The following STAU2 variants were observed in gnomAD, a reference collection of about 807,000 sequenced individuals.
STAU2 encodes the protein staufen double-stranded RNA binding protein 2, also known as double-stranded RNA-binding protein Staufen homolog 2.
Under a neutral mutation model 65.9 loss-of-function variants are expected in STAU2, and 20 were observed. The observed-to-expected ratio is 0.30, with a 90% CI of 0.21 to 0.44. STAU2 has a LOEUF of 0.44. Ranked by LOEUF, STAU2 falls within the 20% of genes least tolerant of loss-of-function variation. The pLI is 1.00. For missense variants in STAU2, 558 were observed against 683.9 expected, an observed-to-expected ratio of 0.82 and a Z score of 2.05; for synonymous variants, 232 against 233.9, an observed-to-expected ratio of 0.99 and a Z score of 0.07.
intron 3 of STAU2, among the ~76,000 whole-genome samples, chr8:73,736,307 T>C (rs1321302787): frequency 6.6e-6 from 1 of 152,212 alleles, no homozygotes; most frequent in Non-Finnish European, 1.5e-5. Flanking sequence ...CATATATTCA[T>C]ACACCCAACA....
chr8:73,729,979 A>G (rs1805930325), intron 3 of STAU2, among the ~76,000 whole-genome samples: 1 of 152,118 alleles, frequency 6.6e-6, no homozygotes, highest in African/African-American at 2.4e-5. Context: ...CAAAGAATCA[A>G]ACTTTTGGTT....
intron 13 of STAU2, among the ~76,000 whole-genome samples, chr8:73,438,536 A>G (rs749987713): frequency 2.0e-5 from 3 of 152,224 alleles, no homozygotes; most frequent in Non-Finnish European, 4.4e-5. Flanking sequence ...TGAGTGTCCC[A>G]GGCAGTTTCA....
chr8:73,492,717 T>C (rs1216618458), intron 13 of STAU2, among the ~76,000 whole-genome samples: 1 of 151,968 alleles, frequency 6.6e-6, no homozygotes, highest in South Asian at 2.1e-4. Context: ...AAAGACAGAT[T>C]GGATTTATAC....
At chr8:73,653,637 A>G (rs1816077983) in intron 6 of STAU2, 1 of 165,644 alleles carries the variant, frequency 6.0e-6, no homozygotes, top group Non-Finnish European at 1.3e-5. Flanking sequence ...GGGAAGTTTT[A>G]AAAAACAGTG....
At chr8:73,533,454 A>C (rs571018942) in intron 13 of STAU2, among the ~76,000 whole-genome samples, 1 of 152,302 alleles carries the variant, frequency 6.6e-6, no homozygotes, top group Admixed American at 6.5e-5. Context: ...TGGTATACTA[A>C]GTTTCCTAGT....
At chr8:73,497,067 T>A (rs1213045007) in intron 13 of STAU2, among the ~76,000 whole-genome samples, 2 of 151,788 alleles carry the variant, frequency 1.3e-5, no homozygotes, top group East Asian at 3.9e-4. Context: ...TTAATTCTTA[T>A]CTGGCAGTTT....
chr8:73,553,270 T>C (rs182717991), intron 12 of STAU2, among the ~76,000 whole-genome samples: 1 of 152,322 alleles, frequency 6.6e-6, no homozygotes, highest in African/African-American at 2.4e-5. Context: ...TCATAAAGAA[T>C]GTGCTCTGAG....
chr8:73,606,396 T>A (rs1812038453), intron 9 of STAU2, among the ~76,000 whole-genome samples: 1 of 152,080 alleles, frequency 6.6e-6, no homozygotes, highest in South Asian at 2.1e-4. Context: ...AAATTTATTA[T>A]TATTTGAAAT....
chr8:73,555,929 G>GA (rs1251717909), intron 12 of STAU2, among the ~76,000 whole-genome samples: 1 of 151,812 alleles, frequency 6.6e-6, no homozygotes, highest in Non-Finnish European at 1.5e-5. Context: ...TTATAATCAG[G>GA]AAAAAATTTC....
At chr8:73,584,706 A>C (rs1451810493) in intron 11 of STAU2, among the ~76,000 whole-genome samples, 1 of 152,224 alleles carries the variant, frequency 6.6e-6, no homozygotes, top group Non-Finnish European at 1.5e-5. Context: ...GTGCCATCTA[A>C]GAATGAAAAG....
rs1242179708 is a variant in STAU2 at position 73,465,404 on chromosome 8, T to G, written c.1531-42702A>C. Among the ~76,000 whole-genome samples the G allele has an allele frequency of 1.3e-5, 2 of 152,370 alleles. 1 individual carries two copies. ...TTTCTATATTTAATAGGAATGTTTT[T>G]GACTAGAAAATATGTTATACTCACT... On this transcript the variant is annotated intron_variant, in intron 13 of 14. Coordinates refer to ENST00000524300, the MANE Select transcript of STAU2 (RefSeq NM_001164380.2).
intron 13 of STAU2, among the ~76,000 whole-genome samples, chr8:73,465,563 C>G (rs369094965): frequency 6.6e-6 from 1 of 152,122 alleles, no homozygotes; most frequent in African/African-American, 2.4e-5. Flanking sequence ...TTTAACTTCC[C>G]TCTTTGCTTT....
At chr8:73,651,621 GTC>G (rs1815885738) in intron 6 of STAU2, 1 of 617,788 alleles carries the variant, frequency 1.6e-6, no homozygotes, top group Non-Finnish European at 2.9e-6. Flanking sequence ...TCCTTCTGGG[GTC>G]TCTGCAAGTG....
At chr8:73,472,229 A>G (rs1317075802) in intron 13 of STAU2, among the ~76,000 whole-genome samples, 2 of 152,228 alleles carry the variant, frequency 1.3e-5, no homozygotes, top group Non-Finnish European at 2.9e-5. Context: ...ATGAAAAGCT[A>G]TACAGTTGGG....
intron 5 of STAU2, among the ~76,000 whole-genome samples, chr8:73,677,879 TCAGA>T (rs1168655821): frequency 6.6e-6 from 1 of 152,204 alleles, no homozygotes; most frequent in Non-Finnish European, 1.5e-5. Context: ...CTGGGGCCTT[TCAGA>T]CACTCTCCTG....
At chr8:73,650,099 A>G (rs1815746793) in intron 6 of STAU2, among the ~76,000 whole-genome samples, 1 of 151,746 alleles carries the variant, frequency 6.6e-6, no homozygotes, top group Admixed American at 6.6e-5. Context: ...ACTTCCAGAT[A>G]TGATGGGGAT....
At chr8:73,545,954 T>C (rs1035729267) in intron 13 of STAU2, among the ~76,000 whole-genome samples, 2 of 150,264 alleles carry the variant, frequency 1.3e-5, no homozygotes, top group South Asian at 2.1e-4. Flanking sequence ...GCCCTATTGA[T>C]TTTTTTGAAA....
chr8:73,649,123 T>C (rs956397869), intron 6 of STAU2, among the ~76,000 whole-genome samples: 6 of 152,182 alleles, frequency 3.9e-5, no homozygotes, highest in African/African-American at 1.4e-4. Flanking sequence ...AGCTAATATG[T>C]AGTTTCTAAA....
At chr8:73,627,698 T>C (rs765765118) in intron 6 of STAU2, among the ~76,000 whole-genome samples, 2 of 151,310 alleles carry the variant, frequency 1.3e-5, no homozygotes, top group Admixed American at 6.6e-5. Context: ...TGATAAAGAA[T>C]ATTCTTATTT....
Sources: gnomAD v4.1 joint callset for allele counts (sites outside exome capture counted in the v4.1 genomes callset) on GRCh38, gnomAD v4.1.1 for gene constraint, MANE v1.5 for transcripts, NCBI Gene and HGNC (gene_info 2026-07-23, HGNC 2026-07-21) for gene names.